Variants in YTHDC1 observed in about 807,000 individuals in gnomAD.
YTHDC1 encodes YTH N6-methyladenosine RNA binding protein C1.
In YTHDC1, 12 loss-of-function variants were observed where a neutral mutation model predicts 107.0. The observed-to-expected ratio is 0.11, with a 90% confidence interval of 0.07 to 0.18. YTHDC1 has a LOEUF of 0.18. Ranked by LOEUF, YTHDC1 falls within the 10% of genes least tolerant of loss-of-function variation. The pLI, the probability that YTHDC1 is intolerant of heterozygous loss-of-function variation, is 1.00. For synonymous variants in YTHDC1, 280 were observed against 289.5 expected (o/e 0.97, Z 0.33); for missense variants, 635 against 898.8 (o/e 0.71, Z 3.75).
At chr4:68,345,221 T>C (rs557716861) in intron 1 of YTHDC1, among the ~76,000 whole-genome samples, 2 of 152,118 alleles carry the variant, frequency 1.3e-5, no homozygotes, top group Non-Finnish European at 2.9e-5. Flanking sequence ...TCTAGGGATA[T>C]CAGGGTAGAA....
intron 7 of YTHDC1, 132 bp downstream of exon 7, chr4:68,331,971 G>C: frequency 2.1e-6 from 1 of 478,070 alleles, no homozygotes; most frequent in Non-Finnish European, 3.6e-6. Context: ...GATCCTAAGT[G>C]GCCATTGGAA....
rs182333488 is a variant in YTHDC1, at chr4:68,327,576, G to A, written c.1349+2426C>T. ...ATGCTACTGATGTAAGTGATCCAGG[G>A]ATCACACCTAAAAAAGCTTAAGTCT... is the stretch of plus-strand genomic sequence containing the variant. On this transcript the variant is annotated intron_variant, in intron 9 of 16. Coordinates refer to ENST00000344157, the MANE Select transcript of YTHDC1 (RefSeq NM_001031732.4). Among the ~76,000 whole-genome samples, 128 of 152,104 alleles carry A rather than the reference G, an allele frequency of 8.4e-4. 1 individual carries two copies. Among genetic ancestry groups the A allele is most frequent in the Middle Eastern group, 6.8e-3 (2 of 294 alleles).
At chr4:68,330,181 C>G in intron 8 of YTHDC1, 21 bp downstream of exon 8, 1 of 1,574,334 alleles carries the variant, frequency 6.4e-7, no homozygotes, top group South Asian at 1.1e-5. Context: ...TTTTATATGT[C>G]CAAATTATTT....
chr4:68,311,376 T>C lies in YTHDC1; in HGVS notation c.*2723A>G, dbSNP rs1000597198. On this transcript the variant is annotated 3_prime_UTR_variant, in exon 17 of 17. Coordinates refer to ENST00000344157, the MANE Select transcript of YTHDC1 (RefSeq NM_001031732.4). ...TTACATGCTTGAATTTTCACTCCTTTGAACTATTACTCCAGCCAATAAAAT... is the reference window on the plus strand; with the variant it reads ...TTACATGCTTGAATTTTCACTCCTTCGAACTATTACTCCAGCCAATAAAAT... 1 of 152,160 alleles carries C rather than the reference T, an allele frequency of 6.6e-6. No individual in the cohort carries two copies. Among genetic ancestry groups the C allele is most frequent in the Admixed American group, 6.5e-5 (1 of 15,272 alleles). 9.4% of individuals were successfully genotyped at this position (152,160 alleles called of 1,614,324 possible).
intron 1 of YTHDC1, among the ~76,000 whole-genome samples, chr4:68,349,518 G>GA (rs1163600505): frequency 6.6e-6 from 1 of 151,962 alleles, no homozygotes; most frequent in Non-Finnish European, 1.5e-5. Context: ...CTACTGAGAT[G>GA]AAGTGCTAGG....
chr4:68,330,378 T>TG (rs993542702), intron 7 of YTHDC1, 68 bp from the exon 8 acceptor site: 2 of 1,132,164 alleles, frequency 1.8e-6, no homozygotes, highest in African/African-American at 1.6e-5. Context: ...CAGTTATGTT[T>TG]GAAAAAAAAC....
rs781384584 is a variant in YTHDC1 at position 68,337,820 on chromosome 4, A to G, written c.211T>C (p.Ser71Pro). 1 of 1,614,106 alleles carries G rather than the reference A, an allele frequency of 6.2e-7. No homozygotes were observed. Among genetic ancestry groups the G allele is most frequent in the East Asian group, 2.2e-5 (1 of 44,874 alleles). Residue 71 changes from serine (S) to proline (P), a missense_variant, in exon 3 of 17, where the codon TCT becomes CCT. This residue lies in a region of YTHDC1 where 294 missense variants were observed against 312.3 expected (regional missense o/e 0.94). Transcript: ENST00000344157. Reference sequence around the variant, plus strand: ...CTAACAGATGAGCTCAGTGGCTTAGAAACCAGTTGTCTAGAATGGACAGAA... The same window carrying G: ...CTAACAGATGAGCTCAGTGGCTTAGGAACCAGTTGTCTAGAATGGACAGAA... ...KPSVHSRQLV[S>P]KPLSSSVSNN...
chr4:68,312,224 A>G lies in YTHDC1; in HGVS notation c.*1875T>C, dbSNP rs966500089. 6.6e-6 allele frequency: 1 copy of G among 152,170 alleles called. No homozygotes were observed. Among genetic ancestry groups the G allele is most frequent in the African/African-American group, 2.4e-5 (1 of 41,440 alleles). The allele number at this position is 152,170 out of a possible 1,614,324, so 9.4% of individuals were successfully genotyped here. ...TGGCCCATCAATTACTACCTTTCTA[A>G]TCTTGGGCAAGTTTACTAGCCTCTC... On this transcript the variant is annotated 3_prime_UTR_variant, in exon 17 of 17. Transcript: ENST00000344157.
chr4:68,338,048 A>C, intron 2 of YTHDC1, 148 bp from the exon 3 acceptor site: 1 of 1,454,722 alleles, frequency 6.9e-7, no homozygotes, highest in Non-Finnish European at 9.0e-7. Flanking sequence ...CTCCAGAGTT[A>C]ATCTAAAAGA....
At chr4:68,327,192 C>T (rs1201641730) in intron 9 of YTHDC1, among the ~76,000 whole-genome samples, 2 of 151,862 alleles carry the variant, frequency 1.3e-5, no homozygotes, top group African/African-American at 2.4e-5. Flanking sequence ...GCCGAGATTG[C>T]GCCATTGCAC....
chr4:68,348,474 CAAAAAAAA>C (rs34746525), intron 1 of YTHDC1, among the ~76,000 whole-genome samples: 1 of 120,986 alleles, frequency 8.3e-6, no homozygotes. Flanking sequence ...CTGGATTTCT[CAAAAAAAA>C]AAAAAAAAAA....
intron 1 of YTHDC1, among the ~76,000 whole-genome samples, chr4:68,349,330 C>T (rs970225863): frequency 6.6e-6 from 1 of 152,164 alleles, no homozygotes; most frequent in African/African-American, 2.4e-5. Context: ...GTGTTGATCG[C>T]GGCATTAGGG....
At chr4:68,342,607 A>G (rs938839617) in intron 1 of YTHDC1, among the ~76,000 whole-genome samples, 4 of 152,196 alleles carry the variant, frequency 2.6e-5, no homozygotes, top group African/African-American at 9.7e-5. Context: ...TGCATTTTTA[A>G]TAACAAAAAT....
chr4:68,332,430 C>A (rs992287389), intron 6 of YTHDC1, among the ~76,000 whole-genome samples: 1 of 152,050 alleles, frequency 6.6e-6, no homozygotes, highest in Admixed American at 6.6e-5. Context: ...TATATCAAAT[C>A]CATATTTAAG....
chr4:68,317,340 A>T (rs1490417719), intron 15 of YTHDC1, among the ~76,000 whole-genome samples: 3 of 152,234 alleles, frequency 2.0e-5, no homozygotes, highest in Non-Finnish European at 4.4e-5. Flanking sequence ...TTAAATTTTT[A>T]AAATTTCCTA....
rs773887385 is a variant in YTHDC1 at position 68,318,593 on chromosome 4, G to C, written c.1762-12C>G. 18 of 1,610,028 alleles carry C rather than the reference G, an allele frequency of 1.1e-5. No homozygotes were observed. The highest frequency in any genetic ancestry group is 1.5e-5 in the Non-Finnish European group (18 of 1,177,906). On this transcript the variant is annotated splice_polypyrimidine_tract_variant and intron_variant, in intron 14 of 16. Transcript: ENST00000344157. ...TAATCATTGTAGGACTAAAATAAAA[G>C]ATGATAATGTCAATATAATTAAAAA... is the stretch of plus-strand genomic sequence containing the variant.
chr4:68,340,484 AGAT>A (rs1479321904), intron 1 of YTHDC1, among the ~76,000 whole-genome samples: 1 of 152,080 alleles, frequency 6.6e-6, no homozygotes, highest in Non-Finnish European at 1.5e-5. Context: ...CTCATCATCT[AGAT>A]TCATGTTTTT....
rs1014553818 is a variant in YTHDC1 at position 68,340,959 on chromosome 4, A to T, written c.29-2575T>A. On this transcript the variant is annotated intron_variant, in intron 1 of 16. Transcript: ENST00000344157. ...TTAAAGTTTTAACGAATTCAAATTC[A>T]GATACTGGTTGTAGTTTTAGAAAGC... 7.9e-5 allele frequency among the ~76,000 whole-genome samples: 12 copies of T among 152,266 alleles called. No individual in the cohort carries two copies. In the East Asian group the frequency reaches 1.9e-3, roughly 24 times the overall value.
At chr4:68,323,064 A>C (rs1722605502) in intron 10 of YTHDC1, 149 bp from the exon 11 acceptor site, 1 of 693,952 alleles carries the variant, frequency 1.4e-6, no homozygotes, top group Admixed American at 3.3e-5. Context: ...TTCCAGATTT[A>C]TAAAACATTT....
Sources: allele counts gnomAD v4.1 joint callset (sites outside exome capture counted in the v4.1 genomes callset), GRCh38; gene constraint gnomAD v4.1.1; regional missense constraint gnomAD v4.1.1; transcripts MANE v1.5; gene names NCBI Gene and HGNC (gene_info 2026-07-23, HGNC 2026-07-21).